Variants in VAV2 observed in about 807,000 individuals in gnomAD.
VAV2 encodes guanine nucleotide exchange factor VAV2.
In VAV2, 67 loss-of-function variants were observed where a neutral mutation model predicts 132.5. The ratio of observed to expected loss-of-function variants is 0.51; its 90% CI spans 0.42 to 0.62. VAV2 has a LOEUF of 0.62. Among genes scored for constraint, VAV2 ranks in the 20% least tolerant of loss-of-function variants. The pLI is 0.00. For synonymous variants in VAV2, 492 were observed against 443.5 expected (o/e 1.11, Z -1.37); for missense variants, 938 against 1,153.6 (o/e 0.81, Z 2.71).
chr9:133,911,724 A>T (rs1208932217), intron 2 of VAV2, among the ~76,000 whole-genome samples: 1 of 152,132 alleles, frequency 6.6e-6, no homozygotes, highest in East Asian at 1.9e-4. Context: ...CACACACACT[A>T]AAGACGCCAT....
intron 12 of VAV2, among the ~76,000 whole-genome samples, chr9:133,793,530 G>C (rs1834585333): frequency 6.6e-6 from 1 of 152,112 alleles, no homozygotes; most frequent in South Asian, 2.1e-4. Context: ...CAGAGACAAG[G>C]ACCCCAGTAG....
intron 3 of VAV2, among the ~76,000 whole-genome samples, chr9:133,835,752 G>A (rs527524025): frequency 1.3e-5 from 2 of 152,320 alleles, no homozygotes; most frequent in African/African-American, 2.4e-5. Context: ...GGAGGCCGGG[G>A]ACCTGTGCTC....
chr9:133,808,126 A>T (rs28578536), intron 7 of VAV2, among the ~76,000 whole-genome samples: 7,734 of 152,344 alleles, frequency 0.051, 336 homozygotes, highest in African/African-American at 0.12. Context: ...GGAGGGATAC[A>T]GAGGCCAGCA....
At chr9:133,924,316 G>A (rs977383058) in intron 2 of VAV2, among the ~76,000 whole-genome samples, 2 of 152,070 alleles carry the variant, frequency 1.3e-5, no homozygotes, top group Non-Finnish European at 2.9e-5. Context: ...CCGAGTAGCT[G>A]GGGTAGACTA....
intron 3 of VAV2, among the ~76,000 whole-genome samples, chr9:133,849,682 C>G (rs1360383481): frequency 6.6e-6 from 1 of 152,194 alleles, no homozygotes; most frequent in African/African-American, 2.4e-5. Flanking sequence ...TCTGGAGGCA[C>G]TGGGGGAGGG....
chr9:133,968,511 A>T (rs530207802), intron 1 of VAV2, among the ~76,000 whole-genome samples: 2 of 152,256 alleles, frequency 1.3e-5, no homozygotes, highest in South Asian at 4.1e-4. Context: ...CATGAAGAGG[A>T]AGAGAAACGC....
At chr9:133,850,717 C>A (rs148998850) in intron 3 of VAV2, among the ~76,000 whole-genome samples, 1 of 152,294 alleles carries the variant, frequency 6.6e-6, no homozygotes, top group Non-Finnish European at 1.5e-5. Flanking sequence ...CCTGGAGACA[C>A]CTGCCAGGTC....
intron 9 of VAV2, 132 bp from the exon 10 acceptor site, chr9:133,797,941 C>T: frequency 1.4e-6 from 1 of 706,744 alleles, no homozygotes; most frequent in Non-Finnish European, 2.3e-6. Flanking sequence ...CAGCTCCCTG[C>T]ACGTGGACAC....
chr9:133,777,823 G>A (rs1482436537), intron 22 of VAV2, among the ~76,000 whole-genome samples: 1 of 152,160 alleles, frequency 6.6e-6, no homozygotes, highest in African/African-American at 2.4e-5. Flanking sequence ...GTAGGGTCTG[G>A]TACAAGAAAT....
At position 133,969,748 on chromosome 9, in the gene VAV2, C is replaced by G. The variant is rs189769618; in HGVS notation, c.204+22327G>C. Among the ~76,000 whole-genome samples, 91 of 152,236 alleles carry G rather than the reference C, an allele frequency of 6.0e-4. No individual in the cohort carries two copies. In the South Asian group the frequency reaches 8.5e-3, roughly 14 times the overall value. ...CACTCCTCCTGCGCTCCAGCGGGGC[C>G]GTCCATCTCTCTCCATTCCCACTTC... On this transcript the variant is annotated intron_variant, in intron 1 of 29. Transcript: ENST00000371850. This position sits in a 1 kb window ranked among gnomAD's most constrained non-coding sequence, Gnocchi z 5.1.
intron 8 of VAV2, among the ~76,000 whole-genome samples, chr9:133,807,002 T>A (rs1453373547): frequency 6.6e-6 from 1 of 152,224 alleles, no homozygotes; most frequent in Non-Finnish European, 1.5e-5. Context: ...ATTCTCAGCG[T>A]CATCCGTGCC....
chr9:133,768,562 G>T lies in VAV2; in HGVS notation c.2469C>A (p.Ala823=). Residue 823 remains alanine, a synonymous_variant, in exon 29 of 30, where the codon GCC becomes GCA. Coordinates refer to ENST00000371850, the MANE Select transcript of VAV2 (RefSeq NM_001134398.2). This position sits in a 1 kb window ranked among gnomAD's most constrained non-coding sequence, Gnocchi z 5.3. ...TATCTCGGGCGGCAAAGTTATACCT[G>T]GCCACAGCTGTGCCGATGACGCGGG... is the stretch of plus-strand genomic sequence containing the variant. The part of the protein sequence containing the change: ...FTPRVIGTAV[A]RYNFAARDMR... The T allele has an allele frequency of 1.9e-6, 3 of 1,614,014 alleles. No homozygotes were observed. The highest frequency in any genetic ancestry group is 2.5e-6 in the Non-Finnish European group (3 of 1,179,994).
chr9:133,902,668 C>G (rs192141988), intron 2 of VAV2, among the ~76,000 whole-genome samples: 2 of 152,122 alleles, frequency 1.3e-5, no homozygotes. Flanking sequence ...GGTGCTAATC[C>G]CCAGGACCTC....
chr9:133,919,462 C>T lies in VAV2; in HGVS notation c.321+19641G>A, dbSNP rs1257640345. ...AGCCCTGGGTGAGGGGTTCCAGGAG[C>T]CCAGGTGTCCCGGCTCCCAGCCCAG... On this transcript the variant is annotated intron_variant, in intron 2 of 29. Transcript: ENST00000371850. The surrounding 1 kb of genome is among the most constrained non-coding windows in gnomAD (Gnocchi z 5.8). Among the ~76,000 whole-genome samples the T allele has an allele frequency of 1.3e-5, 2 of 152,156 alleles. No individual in the cohort carries two copies. The highest frequency in any genetic ancestry group is 2.9e-5 in the Non-Finnish European group (2 of 68,022).
At chr9:133,817,851 G>T (rs12338774) in intron 4 of VAV2, among the ~76,000 whole-genome samples, 27,049 of 152,030 alleles carry the variant, frequency 0.18, 2,744 homozygotes, top group African/African-American at 0.27. Flanking sequence ...CTCTAAGTCC[G>T]TGACCGTATT....
intron 8 of VAV2, among the ~76,000 whole-genome samples, 153 bp from the exon 9 acceptor site, chr9:133,806,334 G>C (rs1835142376): frequency 6.6e-6 from 1 of 152,240 alleles, no homozygotes; most frequent in African/African-American, 2.4e-5. Flanking sequence ...GTGCATGCCA[G>C]GGTGTGATTC....
intron 3 of VAV2, chr9:133,861,089 T>C (rs897605914): frequency 1.1e-5 from 4 of 378,326 alleles, no homozygotes; most frequent in Non-Finnish European, 1.9e-5. Flanking sequence ...AGGTAGGCAA[T>C]GATCTGTGAA....
rs1039662351 is a variant in VAV2, at chr9:133,834,548, C to T, written c.381-208G>A. 5.9e-5 allele frequency among the ~76,000 whole-genome samples: 9 copies of T among 152,252 alleles called. No individual in the cohort carries two copies. Among genetic ancestry groups the T allele is most frequent in the African/African-American group, 2.2e-4 (9 of 41,464 alleles). ...GCCATAGGGCAAGAGGAGACCCATG[C>T]CTACTTGCCAGGGGGCAAGGAATGT... On this transcript the variant is annotated intron_variant, in intron 3 of 29. Coordinates refer to ENST00000371850, the MANE Select transcript of VAV2 (RefSeq NM_001134398.2). The surrounding 1 kb of genome is among the most constrained non-coding windows in gnomAD (Gnocchi z 5.9).
intron 25 of VAV2, among the ~76,000 whole-genome samples, chr9:133,772,354 A>G (rs2510243): frequency 0.99 from 150,993 of 152,292 alleles, 74,862 homozygotes; most frequent in East Asian, 1. Flanking sequence ...TTTGCTTTTC[A>G]GTACCAGGAG....
Sources: gnomAD v4.1 joint callset for allele counts (sites outside exome capture counted in the v4.1 genomes callset) on GRCh38, gnomAD v4.1.1 for gene constraint, Gnocchi (gnomAD v3.1) non-coding constraint, MANE v1.5 for transcripts, NCBI Gene and HGNC (gene_info 2026-07-23, HGNC 2026-07-21) for gene names.